ENAH: variants seen among roughly 807,000 people sequenced by gnomAD.
ENAH encodes the protein ENAH actin regulator, also known as protein enabled homolog.
A neutral mutation model predicts 78.7 loss-of-function variants in ENAH; 23 were observed. The observed-to-expected ratio is 0.29, with a 90% CI of 0.21 to 0.41. The LOEUF (loss-of-function observed/expected upper bound fraction) is 0.41, where lower values mean the gene tolerates loss of function less well. ENAH is among the 10% of genes least tolerant of loss of function. The pLI, the probability that ENAH is intolerant of heterozygous loss-of-function variation, is 1.00. For synonymous variants in ENAH, 226 were observed against 241.0 expected, an observed-to-expected ratio of 0.94 and a Z score of 0.58; for missense variants, 544 against 691.0, an observed-to-expected ratio of 0.79 and a Z score of 2.39.
chr1:225,617,368 A>G (rs1425382029), intron 1 of ENAH, among the ~76,000 whole-genome samples: 1 of 152,178 alleles, frequency 6.6e-6, no homozygotes, highest in Non-Finnish European at 1.5e-5. Flanking sequence ...ACCACAAAAG[A>G]CGTTCTAGTA....
chr1:225,544,193 A>G (rs992917998), intron 3 of ENAH, among the ~76,000 whole-genome samples: 1 of 152,248 alleles, frequency 6.6e-6, no homozygotes, highest in Non-Finnish European at 1.5e-5. Context: ...GAGGTATCAC[A>G]ATTTTTGACT....
At chr1:225,649,026 A>T (rs1381729070) in intron 1 of ENAH, among the ~76,000 whole-genome samples, 2 of 152,184 alleles carry the variant, frequency 1.3e-5, no homozygotes, top group Non-Finnish European at 2.9e-5. Context: ...GTTTTACCCA[A>T]ATAGTCTAAC....
chr1:225,568,829 G>A (rs1232757065), intron 1 of ENAH, among the ~76,000 whole-genome samples: 1 of 152,158 alleles, frequency 6.6e-6, no homozygotes, highest in Non-Finnish European at 1.5e-5. Flanking sequence ...ACAGCACTGA[G>A]TAATAAAATT....
At chr1:225,629,161 C>T (rs1372290477) in intron 1 of ENAH, among the ~76,000 whole-genome samples, 1 of 151,854 alleles carries the variant, frequency 6.6e-6, no homozygotes, top group African/African-American at 2.4e-5. Context: ...GCCTGTAACA[C>T]CAGCTACTTG....
At chr1:225,653,272 C>T (rs1663399980), upstream of ENAH, 1 of 151,004 alleles carries the variant, frequency 6.6e-6, no homozygotes, top group South Asian at 2.1e-4. This position sits in a 1 kb window ranked among gnomAD's most constrained non-coding sequence, Gnocchi z 4.3. Flanking sequence ...CGCACTCCCC[C>T]GCGCCGGCGG....
At chr1:225,583,209 A>G (rs2096827977) in intron 1 of ENAH, among the ~76,000 whole-genome samples, 1 of 151,922 alleles carries the variant, frequency 6.6e-6, no homozygotes, top group Non-Finnish European at 1.5e-5. Flanking sequence ...GGCTGAGGCG[A>G]GCAGATCACC....
intron 1 of ENAH, among the ~76,000 whole-genome samples, chr1:225,588,636 C>T (rs182019075): frequency 5.2e-4 from 79 of 151,930 alleles, no homozygotes; most frequent in African/African-American, 1.8e-3. Flanking sequence ...GGTGAAACGC[C>T]GTCTCGACTA....
At chr1:225,606,047 A>AT (rs1314947414) in intron 1 of ENAH, among the ~76,000 whole-genome samples, 2 of 152,152 alleles carry the variant, frequency 1.3e-5, no homozygotes, top group African/African-American at 2.4e-5. Context: ...TTTTATTATT[A>AT]TTTTTTAATG....
chr1:225,514,538 T>C, intron 7 of ENAH, 58 bp downstream of exon 7: 1 of 1,206,690 alleles, frequency 8.3e-7, no homozygotes, highest in South Asian at 1.3e-5. Context: ...AAATTCAACA[T>C]TTTAGATATT....
intron 4 of ENAH, chr1:225,524,514 G>T: frequency 2.8e-6 from 2 of 719,592 alleles, no homozygotes; most frequent in Non-Finnish European, 3.4e-6. Flanking sequence ...TTCACTATCA[G>T]TAAACAAATA....
intron 11 of ENAH, among the ~76,000 whole-genome samples, chr1:225,505,442 T>C (rs1262382878): frequency 2.0e-5 from 3 of 152,192 alleles, no homozygotes; most frequent in South Asian, 4.1e-4. Flanking sequence ...AATCCAGTCA[T>C]AGTTTAAAGC....
At chr1:225,652,389 T>C (rs2148536612) in intron 1 of ENAH, 2 of 985,270 alleles carry the variant, frequency 2.0e-6, no homozygotes, top group Non-Finnish European at 2.4e-6. Context: ...TTGCAAAGGC[T>C]TGGGGGAGGG....
At chr1:225,597,509 T>C (rs1271381981) in intron 1 of ENAH, among the ~76,000 whole-genome samples, 3 of 151,778 alleles carry the variant, frequency 2.0e-5, no homozygotes, top group African/African-American at 7.3e-5. Flanking sequence ...ATTTAAAAAT[T>C]AGCTGGGCAT....
intron 10 of ENAH, among the ~76,000 whole-genome samples, chr1:225,511,020 CA>C (rs1558724649): frequency 6.6e-6 from 1 of 151,726 alleles, no homozygotes. Flanking sequence ...GACCCCATCT[CA>C]AAAAAATTAA....
chr1:225,610,143 T>C (rs2096980654), intron 1 of ENAH, among the ~76,000 whole-genome samples: 1 of 149,970 alleles, frequency 6.7e-6, no homozygotes, highest in Non-Finnish European at 1.5e-5. Flanking sequence ...AATCACATTA[T>C]AGAACATTAT....
chr1:225,498,380 C>G lies in ENAH; in HGVS notation c.1642G>C (p.Glu548Gln). 6.3e-7 allele frequency: 1 copy of G among 1,594,614 alleles called. No homozygotes were observed. Among genetic ancestry groups the G allele is most frequent in the East Asian group, 2.3e-5 (1 of 44,382 alleles). The part of the protein sequence containing the change: ...KQDILDEMRK[E>Q]LTKLKEELID... ...AGCTCTTCTTTTAGCTTTGTTAATTCTTTTCTCATTTCATCTAAAATGTCC... is the reference window on the plus strand; with the variant it reads ...AGCTCTTCTTTTAGCTTTGTTAATTGTTTTCTCATTTCATCTAAAATGTCC... The change falls in exon 13 of 14, where the codon GAA (glutamate) becomes CAA (glutamine). Residue 548 changes from glutamate (E) to glutamine (Q), a missense_variant. Physicochemically the swap from Glu to Gln is conservative, Grantham distance 29. Coordinates refer to ENST00000366843, the MANE Select transcript of ENAH (RefSeq NM_018212.6).
At chr1:225,612,166 T>C (rs1029675060) in intron 1 of ENAH, among the ~76,000 whole-genome samples, 3 of 152,208 alleles carry the variant, frequency 2.0e-5, no homozygotes, top group African/African-American at 4.8e-5. Context: ...AAGAGCTAAA[T>C]GGTGGAAATG....
chr1:225,501,897 C>CT (rs2096284317), intron 11 of ENAH, among the ~76,000 whole-genome samples: 1 of 152,076 alleles, frequency 6.6e-6, no homozygotes, highest in Non-Finnish European at 1.5e-5. Context: ...GTCATGGCGC[C>CT]CTCTCCAAGT....
chr1:225,617,525 TA>T (rs969269885), intron 1 of ENAH, among the ~76,000 whole-genome samples: 8 of 152,188 alleles, frequency 5.3e-5, no homozygotes, highest in South Asian at 2.1e-4. Flanking sequence ...TCTGTGGTAT[TA>T]AAAAAGTATT....
Sources: allele counts gnomAD v4.1 joint callset (sites outside exome capture counted in the v4.1 genomes callset), GRCh38; gene constraint gnomAD v4.1.1; non-coding constraint Gnocchi (gnomAD v3.1); transcripts MANE v1.5; gene names NCBI Gene and HGNC (gene_info 2026-07-23, HGNC 2026-07-21).